AADAT: variants seen among roughly 807,000 people sequenced by gnomAD.
The protein encoded by AADAT is kynurenine/alpha-aminoadipate aminotransferase, mitochondrial.
A neutral mutation model predicts 56.2 loss-of-function variants in AADAT; 25 were observed. That is an observed-to-expected ratio of 0.44 (90% CI 0.32 to 0.62). AADAT has a LOEUF of 0.62. AADAT is among the 20% of genes least tolerant of loss of function. The probability of loss-of-function intolerance (pLI) is 0.04; values close to 1 mark genes in which losing one functional copy is unlikely to be tolerated. For missense variants in AADAT, 387 were observed against 510.5 expected (o/e 0.76, Z 2.33); for synonymous variants, 173 against 164.7 (o/e 1.05, Z -0.39).
At chr4:170,073,658 C>G (rs913066254) in intron 4 of AADAT, among the ~76,000 whole-genome samples, 24 of 151,992 alleles carry the variant, frequency 1.6e-4, no homozygotes, top group African/African-American at 5.6e-4. Context: ...CGCCACCACG[C>G]CCAGGTAATT....
chr4:170,073,529 G>T (rs1389616897), intron 4 of AADAT, among the ~76,000 whole-genome samples, 184 bp from the exon 5 acceptor site: 13 of 150,644 alleles, frequency 8.6e-5, no homozygotes, highest in Non-Finnish European at 1.6e-4. Context: ...TTTTGAGATG[G>T]AGTCTCGCTC....
In AADAT at chr4:170,070,669, T is replaced by A; in HGVS notation, c.655-17A>T. ...TCTTGCAAGCTAAAAAAGGTTGAAG[T>A]AATTGTTTATTTCTTAATCTATTTA... On this transcript the variant is annotated splice_polypyrimidine_tract_variant and intron_variant, in intron 5 of 12. Coordinates refer to ENST00000337664, the MANE Select transcript of AADAT (RefSeq NM_016228.4). The A allele has an allele frequency of 6.9e-7, 1 of 1,453,988 alleles. No homozygotes were observed. The highest frequency in any genetic ancestry group is 9.5e-7 in the Non-Finnish European group (1 of 1,048,826). The allele number at this position is 1,453,988 out of a possible 1,614,324, so 90.1% of individuals were successfully genotyped here. A position where few individuals can be genotyped will look rare whatever the true frequency, so the allele number is the denominator to read the frequency against.
At chr4:170,068,487 G>A (rs768729834) in intron 8 of AADAT, 104 bp downstream of exon 8, 19 of 759,802 alleles carry the variant, frequency 2.5e-5, no homozygotes, top group Non-Finnish European at 3.6e-5. Flanking sequence ...GGCAAACTAT[G>A]AGTCACTAAA....
At chr4:170,089,594 C>T in intron 1 of AADAT, 30 bp downstream of exon 1, 1 of 1,613,798 alleles carries the variant, frequency 6.2e-7, no homozygotes, top group Non-Finnish European at 8.5e-7. Context: ...TGCCCCACCC[C>T]AAAGGAGAGA....
intron 3 of AADAT, among the ~76,000 whole-genome samples, chr4:170,085,571 G>T (rs930102643): frequency 6.6e-6 from 1 of 152,152 alleles, no homozygotes; most frequent in Non-Finnish European, 1.5e-5. Flanking sequence ...TGTGTAACTG[G>T]TGTTGTGATG....
At chr4:170,078,702 T>C in intron 3 of AADAT, 119 bp from the exon 4 acceptor site, 1 of 578,820 alleles carries the variant, frequency 1.7e-6, no homozygotes, top group Admixed American at 3.1e-5. Flanking sequence ...TAGCAAATTG[T>C]TTATAAGGGG....
intron 3 of AADAT, 128 bp from the exon 4 acceptor site, chr4:170,078,711 G>A: frequency 2.0e-6 from 1 of 497,394 alleles, no homozygotes; most frequent in South Asian, 4.1e-5. Context: ...GTTTATAAGG[G>A]GCCAAACAGT....
chr4:170,062,144 T>C, intron 11 of AADAT, 151 bp from the exon 12 acceptor site: 1 of 478,258 alleles, frequency 2.1e-6, no homozygotes, highest in Non-Finnish European at 3.7e-6. Context: ...ATATAAAAAT[T>C]GCGTATGTCA....
chr4:170,065,779 G>A (rs959843044), intron 10 of AADAT, among the ~76,000 whole-genome samples: 14 of 152,110 alleles, frequency 9.2e-5, no homozygotes, highest in Non-Finnish European at 1.8e-4. Flanking sequence ...GGGATTACAG[G>A]CATGAGCCAC....
At chr4:170,079,506 T>C (rs1331577421) in intron 3 of AADAT, among the ~76,000 whole-genome samples, 1 of 152,010 alleles carries the variant, frequency 6.6e-6, no homozygotes, top group Non-Finnish European at 1.5e-5. Flanking sequence ...GTTTAGAAAG[T>C]TTTTAGGATT....
rs761853721 is a variant in AADAT, at chr4:170,064,703, C to T, written c.1134+16G>A. ...CTTTTCCTTAGGTTTCCCAGCCCTTCACCTCCCAGTTTTACCCCCATCTTA... is the reference window on the plus strand; with the variant it reads ...CTTTTCCTTAGGTTTCCCAGCCCTTTACCTCCCAGTTTTACCCCCATCTTA... On this transcript the variant is annotated intron_variant, in intron 11 of 12. Transcript: ENST00000337664. The T allele has an allele frequency of 6.3e-7, 1 of 1,576,646 alleles. No individual in the cohort carries two copies. Among genetic ancestry groups the T allele is most frequent in the Non-Finnish European group, 8.6e-7 (1 of 1,162,332 alleles).
At chr4:170,089,162 G>A in intron 1 of AADAT, 1 of 282,330 alleles carries the variant, frequency 3.5e-6, no homozygotes, top group Middle Eastern at 4.2e-4. Flanking sequence ...AGAAGGCAGA[G>A]GGATCAGAAA....
upstream of AADAT, among the ~76,000 whole-genome samples, chr4:170,093,658 C>A (rs1198623294): frequency 1.3e-5 from 2 of 152,130 alleles, no homozygotes; most frequent in Admixed American, 6.5e-5. Context: ...GCAGTGGCGC[C>A]AACCATAGCT....
At chr4:170,080,418 G>A (rs1263996463) in intron 3 of AADAT, among the ~76,000 whole-genome samples, 1 of 152,110 alleles carries the variant, frequency 6.6e-6, no homozygotes, top group Non-Finnish European at 1.5e-5. Context: ...TTGGTTCCCT[G>A]GCTGGAGACC....
At chr4:170,087,425 A>G (rs1732617771) in intron 2 of AADAT, among the ~76,000 whole-genome samples, 177 bp from the exon 3 acceptor site, 1 of 152,350 alleles carries the variant, frequency 6.6e-6, no homozygotes, top group African/African-American at 2.4e-5. Context: ...AGACTTAGAG[A>G]TTAGGAAATT....
Position 170,061,883 on chromosome 4 carries a change from T to G in AADAT, c.1236+9A>C, listed in dbSNP as rs747522798. On this transcript the variant is annotated intron_variant, in intron 12 of 12. Transcript: ENST00000337664. Reference sequence around the variant, plus strand: ...GCTAGTGTTACTCTGAGGAGAATACTACACTCACCACATCCATCTGTTCTG... The same window carrying G: ...GCTAGTGTTACTCTGAGGAGAATACGACACTCACCACATCCATCTGTTCTG... The G allele has an allele frequency of 1.2e-6, 2 of 1,603,208 alleles. No homozygotes were observed. The highest frequency in any genetic ancestry group is 1.7e-6 in the Non-Finnish European group (2 of 1,171,356).
intron 3 of AADAT, 141 bp downstream of exon 3, chr4:170,086,975 C>A: frequency 6.8e-6 from 7 of 1,032,504 alleles, no homozygotes; most frequent in South Asian, 1.5e-5. Flanking sequence ...TCTTTTAGTT[C>A]CCTGTTTATA....
chr4:170,087,295 G>C (rs746202961), intron 2 of AADAT, 47 bp from the exon 3 acceptor site: 2 of 1,545,658 alleles, frequency 1.3e-6, no homozygotes, highest in East Asian at 2.3e-5. Context: ...AAAAATCATA[G>C]TAACAGTAGT....
chr4:170,062,066 C>T (rs1731219845), intron 11 of AADAT, 73 bp from the exon 12 acceptor site: 1 of 962,718 alleles, frequency 1.0e-6, no homozygotes, highest in African/African-American at 1.6e-5. Flanking sequence ...TAAGCCTAAT[C>T]TCAGAGTAGG....
Sources: allele counts gnomAD v4.1 joint callset (sites outside exome capture counted in the v4.1 genomes callset), GRCh38; gene constraint gnomAD v4.1.1; transcripts MANE v1.5; gene names NCBI Gene and HGNC (gene_info 2026-07-23, HGNC 2026-07-21).